The following EGFR variants were observed in gnomAD, a reference collection of about 807,000 sequenced individuals.
The protein encoded by EGFR is epidermal growth factor receptor.
A neutral mutation model predicts 143.0 loss-of-function variants in EGFR; 58 were observed. The observed-to-expected ratio is 0.41, with a 90% confidence interval of 0.33 to 0.50. EGFR has a LOEUF of 0.50. EGFR is among the 20% of genes least tolerant of loss of function. The pLI is 0.39. For missense variants in EGFR, 1,307 were observed against 1,579.0 expected, an observed-to-expected ratio of 0.83 and a Z score of 2.92; for synonymous variants, 613 against 594.4, an observed-to-expected ratio of 1.03 and a Z score of -0.45.
Position 55,094,438 on chromosome 7 carries a change from G to C in EGFR, c.89-47848G>C, listed in dbSNP as rs547853137. 9.8e-5 allele frequency among the ~76,000 whole-genome samples: 15 copies of C among 152,348 alleles called. No individual in the cohort carries two copies. The South Asian group carries it at 3.1e-3, about 32-fold the overall frequency. On this transcript the variant is annotated intron_variant, in intron 1 of 27. Coordinates refer to ENST00000275493, the MANE Select transcript of EGFR (RefSeq NM_005228.5). The stretch of plus-strand genomic sequence containing the variant: ...AGACTGGCCTATCCTGTCAGGAGAC[G>C]CAGTTGCCCAGACGTTTTCAAGGGC...
chr7:55,194,895 C>T (rs904378290), intron 22 of EGFR, among the ~76,000 whole-genome samples: 6 of 152,232 alleles, frequency 3.9e-5, no homozygotes, highest in African/African-American at 1.4e-4. Flanking sequence ...GTTTAAAAAT[C>T]ATATCCTGTT....
chr7:55,166,606 ATGG>A (rs1184535905), intron 15 of EGFR, among the ~76,000 whole-genome samples: 24 of 121,264 alleles, frequency 2.0e-4, no homozygotes, highest in African/African-American at 6.7e-4. Flanking sequence ...GGTGGTGTTG[ATGG>A]TGGTGATGGT....
At chr7:55,174,624 C>T (rs62457090) in intron 18 of EGFR, 98 bp from the exon 19 acceptor site, 7 of 1,048,768 alleles carry the variant, frequency 6.7e-6, no homozygotes, top group East Asian at 2.4e-5. Flanking sequence ...CCCTCACCTT[C>T]GGGGTGCATC....
rs2128853278 is a variant in EGFR, at chr7:55,019,282, G to A, written c.5G>A (p.Arg2Gln). The change falls in exon 1 of 28, where the codon CGA becomes CAA. Residue 2 changes from arginine to glutamine, a missense_variant. Arg to Gln is a conservative substitution (Grantham distance 43, BLOSUM62 1). Around this residue, in one of 7 missense-constraint regions of EGFR, gnomAD observed 65 missense variants for 37.8 expected, o/e 1.72. Transcript: ENST00000275493. ...CGAGCTCTTCGGGGAGCAGCGATGC[G>A]ACCCTCCGGGACGGCCGGGGCAGCG... M[R>Q]PSGTAGAALL... The A allele has an allele frequency of 2.0e-6, 3 of 1,502,198 alleles. No individual in the cohort carries two copies. The highest frequency in any genetic ancestry group is 2.7e-6 in the Non-Finnish European group (3 of 1,120,294). The allele number at this position is 1,502,198 out of a possible 1,614,324, so 93.1% of individuals were successfully genotyped here.
At chr7:55,054,855 C>G (rs1788703203) in intron 1 of EGFR, among the ~76,000 whole-genome samples, 1 of 152,212 alleles carries the variant, frequency 6.6e-6, no homozygotes, top group Non-Finnish European at 1.5e-5. Flanking sequence ...GGCTACAGGT[C>G]CCCGTGACCT....
intron 17 of EGFR, among the ~76,000 whole-genome samples, chr7:55,173,372 C>T (rs1430681486): frequency 1.3e-5 from 2 of 152,232 alleles, no homozygotes; most frequent in African/African-American, 2.4e-5. Flanking sequence ...GCTTAGGACC[C>T]GGTGCCTGTG....
intron 1 of EGFR, among the ~76,000 whole-genome samples, chr7:55,051,628 T>C (rs913243602): frequency 1.4e-4 from 21 of 152,106 alleles, no homozygotes; most frequent in Non-Finnish European, 2.6e-4. Context: ...TGGTATTCTG[T>C]TATAGAAACA....
intron 1 of EGFR, among the ~76,000 whole-genome samples, chr7:55,111,686 G>A (rs985300468): frequency 4.3e-4 from 66 of 152,266 alleles, no homozygotes; most frequent in African/African-American, 1.4e-3. Flanking sequence ...GTGCACAGGC[G>A]AGCACCCACC....
chr7:55,155,797 G>A (rs1785380847), intron 7 of EGFR, 33 bp from the exon 8 acceptor site: 4 of 1,592,832 alleles, frequency 2.5e-6, no homozygotes, highest in East Asian at 2.2e-5. Flanking sequence ...TGGTGCCACC[G>A]TCATCACCTT....
chr7:55,195,489 C>T (rs956232421), intron 22 of EGFR, among the ~76,000 whole-genome samples: 11 of 152,060 alleles, frequency 7.2e-5, no homozygotes, highest in African/African-American at 2.4e-4. Context: ...ATTGTGGTTT[C>T]GTATTTTTTA....
intron 1 of EGFR, among the ~76,000 whole-genome samples, chr7:55,110,754 C>A (rs1351928171): frequency 6.6e-6 from 1 of 152,220 alleles, no homozygotes. Flanking sequence ...TTTAGCCCCG[C>A]TCTCCTTTCT....
At position 55,032,543 on chromosome 7, in the gene EGFR, C is replaced by T. The variant is rs546390545; in HGVS notation, c.88+13178C>T. Among the ~76,000 whole-genome samples, 137 of 152,260 alleles carry T rather than the reference C, an allele frequency of 9.0e-4. 1 individual carries two copies. Among genetic ancestry groups the T allele is most frequent in the Non-Finnish European group, 1.4e-3 (93 of 68,016 alleles). On this transcript the variant is annotated intron_variant, in intron 1 of 27. Coordinates refer to ENST00000275493, the MANE Select transcript of EGFR (RefSeq NM_005228.5). ...GAACTGAATGAGGACGCAGATGACC[C>T]GGACGTGTTCACAGTTTGACACATC...
At chr7:55,107,196 T>C (rs189114849) in intron 1 of EGFR, among the ~76,000 whole-genome samples, 15 of 152,342 alleles carry the variant, frequency 9.8e-5, no homozygotes, top group African/African-American at 3.6e-4. Flanking sequence ...GTAACAATTA[T>C]GTATTTCTTC....
At chr7:55,114,918 G>A (rs545708005) in intron 1 of EGFR, among the ~76,000 whole-genome samples, 1 of 126,182 alleles carries the variant, frequency 7.9e-6, no homozygotes, top group East Asian at 2.3e-4. Context: ...GTCTCGCCCT[G>A]TCACCCAGGC....
At chr7:55,181,231 C>A (rs2128958062) in intron 19 of EGFR, 62 bp from the exon 20 acceptor site, 1 of 1,581,638 alleles carries the variant, frequency 6.3e-7, no homozygotes, top group East Asian at 2.2e-5. Context: ...GGAAGGGGTC[C>A]ATGTGCCCCT....
chr7:55,071,692 TA>T (rs1461851522), intron 1 of EGFR, among the ~76,000 whole-genome samples: 8 of 152,272 alleles, frequency 5.3e-5, no homozygotes, highest in African/African-American at 1.9e-4. Context: ...TAAAAAAAGA[TA>T]TTTTTCTGCT....
At chr7:55,162,184 G>A (rs1313228534) in intron 13 of EGFR, among the ~76,000 whole-genome samples, 1 of 152,246 alleles carries the variant, frequency 6.6e-6, no homozygotes, top group Admixed American at 6.5e-5. Flanking sequence ...TGCAGTTTGT[G>A]AATGCTCTGA....
intron 20 of EGFR, among the ~76,000 whole-genome samples, chr7:55,183,312 T>C (rs1406892532): frequency 2.6e-5 from 4 of 152,200 alleles, no homozygotes; most frequent in Non-Finnish European, 5.9e-5. Context: ...ATTAGTTTGA[T>C]TTGATCACTC....
chr7:55,051,891 A>T (rs1374188480), intron 1 of EGFR, among the ~76,000 whole-genome samples: 1 of 152,066 alleles, frequency 6.6e-6, no homozygotes, highest in Non-Finnish European at 1.5e-5. Context: ...TCCCCCCACA[A>T]ATCTTTAGTT....
Sources: allele counts gnomAD v4.1 joint callset (sites outside exome capture counted in the v4.1 genomes callset), GRCh38; gene constraint gnomAD v4.1.1; regional missense constraint gnomAD v4.1.1; transcripts MANE v1.5; gene names NCBI Gene and HGNC (gene_info 2026-07-23, HGNC 2026-07-21).